ABCG5: variants seen among roughly 807,000 people sequenced by gnomAD.
The protein encoded by ABCG5 is ATP binding cassette subfamily G member 5.
ABCG5 carries 64 observed loss-of-function variants against 64.5 expected under a neutral mutation model. The ratio of observed to expected loss-of-function variants is 0.99; its 90% CI spans 0.81 to 1.22. ABCG5 has a LOEUF of 1.22. Ranked by LOEUF, ABCG5 falls within the 50% of genes most tolerant of loss-of-function variation. The pLI is 0.00. For missense variants in ABCG5, 908 were observed against 829.5 expected (o/e 1.09, Z -1.16); for synonymous variants, 385 against 326.3 (o/e 1.18, Z -1.94).
At chr2:43,825,823 A>G (rs1040882985) in intron 6 of ABCG5, among the ~76,000 whole-genome samples, 9 of 152,232 alleles carry the variant, frequency 5.9e-5, no homozygotes, top group African/African-American at 2.2e-4. Flanking sequence ...TAAGGTGAAT[A>G]CACTGAAACA....
At chr2:43,817,809 C>G (rs1666938452) in intron 11 of ABCG5, among the ~76,000 whole-genome samples, 1 of 151,986 alleles carries the variant, frequency 6.6e-6, no homozygotes, top group South Asian at 2.1e-4. Context: ...ACTCGGGAGG[C>G]TGAGGCAGGA....
At chr2:43,814,623 A>G in intron 11 of ABCG5, 34 bp from the exon 12 acceptor site, 4 of 1,292,306 alleles carry the variant, frequency 3.1e-6, no homozygotes, top group South Asian at 1.2e-5. Flanking sequence ...GAAATTCAGT[A>G]GGCTCTGGCA....
rs1192018621 is a variant in ABCG5, at chr2:43,819,927, G to T, written c.1637C>A (p.Ser546Tyr). The change falls in exon 11 of 13, where the codon TCT becomes TAT. Residue 546 changes from serine (S) to tyrosine (Y), a missense_variant. Ser to Tyr is a moderately radical substitution (Grantham distance 144). Transcript: ENST00000405322. The stretch of plus-strand genomic sequence containing the variant: ...TATGATATCTTACCTGAGGAATCCA[G>T]ATCCAACAAGCACCCCCGCAATGGA... ...LLSIAGVLVGSGFLRNIQEMP... is the reference protein window; with the variant it reads ...LLSIAGVLVGYGFLRNIQEMP... The T allele has an allele frequency of 1.2e-6, 2 of 1,614,080 alleles. No individual in the cohort carries two copies. Among genetic ancestry groups the T allele is most frequent in the Non-Finnish European group, 1.7e-6 (2 of 1,180,028 alleles).
chr2:43,806,312 C>A, the ABCG5 span, among the ~76,000 whole-genome samples: 2 of 152,212 alleles, frequency 1.3e-5, no homozygotes, highest in African/African-American at 4.8e-5. Context: ...GCCCCAGCAA[C>A]TTCTCAGGTG....
intron 4 of ABCG5, among the ~76,000 whole-genome samples, chr2:43,831,516 C>T (rs1029353189): frequency 1.3e-5 from 2 of 152,178 alleles, no homozygotes; most frequent in African/African-American, 4.8e-5. Flanking sequence ...TTTCCTCAGA[C>T]TAAGAGTCTG....
At chr2:43,810,615 A>G, downstream of ABCG5, 1 of 690,394 alleles carries the variant, frequency 1.4e-6, no homozygotes, top group Non-Finnish European at 1.8e-6. Flanking sequence ...TCAGATAAGC[A>G]CATTTACTAC....
chr2:43,821,908 T>C (rs1667233488), intron 10 of ABCG5, among the ~76,000 whole-genome samples: 1 of 152,078 alleles, frequency 6.6e-6, no homozygotes, highest in African/African-American at 2.4e-5. Flanking sequence ...TCTTTGAAAG[T>C]GTGACCCTAG....
Position 43,832,212 on chromosome 2 carries a change from G to A in ABCG5, c.266-129C>T, listed in dbSNP as rs1667994396. 6.1e-6 allele frequency: 8 copies of A among 1,317,406 alleles called. No homozygotes were observed. The Admixed American group carries it at 8.0e-5, about 13-fold the overall frequency. The allele number at this position is 1,317,406 out of a possible 1,614,324, so 81.6% of individuals were successfully genotyped here. A position where few individuals can be genotyped will look rare whatever the true frequency, so the allele number is the denominator to read the frequency against. On this transcript the variant is annotated intron_variant, in intron 2 of 12. Coordinates refer to ENST00000405322, the MANE Select transcript of ABCG5 (RefSeq NM_022436.3). The stretch of plus-strand genomic sequence containing the variant: ...CTACATGACGGACCCTGTTCTAGGT[G>A]TTAAGGACACAGCAGGATACAGGCC...
rs1377684997 is a variant in ABCG5, at chr2:43,824,339, G to T, written c.998C>A (p.Ala333Glu). ...ATTCTTCAAAGTTTTATGACAAATT[G>T]CTGATTTCTTGTAGGCAGATTCTAT... ...QMIESAYKKS[A>E]ICHKTLKNIE... The change falls in exon 8 of 13, where the codon GCA (alanine) becomes GAA (glutamate). Residue 333 changes from alanine (A) to glutamate (E), a missense_variant. Physicochemically the swap from Ala to Glu is moderately radical, Grantham distance 107. Transcript: ENST00000405322. 6.2e-7 allele frequency: 1 copy of T among 1,614,102 alleles called. No individual in the cohort carries two copies. The highest frequency in any genetic ancestry group is 1.7e-5 in the Admixed American group (1 of 59,996).
chr2:43,825,134 C>T, intron 6 of ABCG5, 116 bp from the exon 7 acceptor site: 1 of 1,288,226 alleles, frequency 7.8e-7, no homozygotes, highest in Non-Finnish European at 1.1e-6. Context: ...GTCACCAAGT[C>T]CTTATGGGAA....
At chr2:43,838,937 C>T (rs939916598), upstream of ABCG5, 12 of 1,262,746 alleles carry the variant, frequency 9.5e-6, no homozygotes, top group Admixed American at 1.4e-4. This position sits in a 1 kb window ranked among gnomAD's most constrained non-coding sequence, Gnocchi z 4.2. Context: ...AGAGACGGGC[C>T]CAGGGCAGGA....
chr2:43,817,272 G>A lies in ABCG5; in HGVS notation c.1649+2643C>T, dbSNP rs1201772935. 2.6e-5 allele frequency among the ~76,000 whole-genome samples: 4 copies of A among 152,248 alleles called. No individual in the cohort carries two copies. The East Asian group carries it at 5.8e-4, about 22-fold the overall frequency. On this transcript the variant is annotated intron_variant, in intron 11 of 12. Coordinates refer to ENST00000405322, the MANE Select transcript of ABCG5 (RefSeq NM_022436.3). ...GGCCGAGGCAGGGAAATCACTTGAA[G>A]TCAGGAGTTTGAGACCAGCCTGACC... is the stretch of plus-strand genomic sequence containing the variant.
At chr2:43,818,995 T>C (rs974690286) in intron 11 of ABCG5, among the ~76,000 whole-genome samples, 2 of 152,210 alleles carry the variant, frequency 1.3e-5, no homozygotes, top group African/African-American at 4.8e-5. Context: ...GCCTTCATAG[T>C]GGTGTGACTT....
At chr2:43,822,701 G>A (rs1250645327) in intron 10 of ABCG5, 96 bp downstream of exon 10, 2 of 1,497,332 alleles carry the variant, frequency 1.3e-6, no homozygotes, top group East Asian at 2.5e-5. Flanking sequence ...ATCCTCCAGA[G>A]CAGAGAACTT....
At chr2:43,818,420 G>T (rs1238270556) in intron 11 of ABCG5, among the ~76,000 whole-genome samples, 1 of 152,154 alleles carries the variant, frequency 6.6e-6, no homozygotes, top group African/African-American at 2.4e-5. Context: ...CTTCAGCCTG[G>T]GCGGCAGAGT....
chr2:43,813,708 CGT>C (rs1666621784), intron 12 of ABCG5, among the ~76,000 whole-genome samples: 3 of 35,374 alleles, frequency 8.5e-5, no homozygotes, highest in East Asian at 7.1e-4. Flanking sequence ...TTTTTTTTTT[CGT>C]TTTTTTTTTT....
At position 43,834,388 on chromosome 2, in the gene ABCG5, T is replaced by C. The variant is rs565161143; in HGVS notation, c.266-2305A>G. Among the ~76,000 whole-genome samples the C allele has an allele frequency of 3.3e-5, 5 of 152,344 alleles. 1 individual carries two copies. The South Asian group carries it at 6.2e-4, about 19-fold the overall frequency. On this transcript the variant is annotated intron_variant, in intron 2 of 12. Transcript: ENST00000405322. ...TATTGTTGCCAAATCCAGTGTATAC[T>C]TCTCTGGGAGGGATCCCAAGACAGG...
At chr2:43,839,038 C>T (rs898914312), upstream of ABCG5, 21 of 1,550,724 alleles carry the variant, frequency 1.4e-5, no homozygotes, top group Non-Finnish European at 1.7e-5. Flanking sequence ...CCCAGGGTCA[C>T]AGACCTGTGG....
chr2:43,808,058 T>C (rs1056507114), downstream of ABCG5, among the ~76,000 whole-genome samples: 1 of 152,202 alleles, frequency 6.6e-6, no homozygotes, highest in Non-Finnish European at 1.5e-5. Context: ...CCTTTGTCAT[T>C]GGTAAAAATA....
Sources: allele counts gnomAD v4.1 joint callset (sites outside exome capture counted in the v4.1 genomes callset), GRCh38; gene constraint gnomAD v4.1.1; non-coding constraint Gnocchi (gnomAD v3.1); transcripts MANE v1.5; gene names NCBI Gene and HGNC (gene_info 2026-07-23, HGNC 2026-07-21).